Variants in PCDHGA10 observed in about 807,000 individuals in gnomAD.
The protein encoded by PCDHGA10 is protocadherin gamma-A10.
In PCDHGA10, 42 loss-of-function variants were observed where a neutral mutation model predicts 59.5. That is an observed-to-expected ratio of 0.71 (90% CI 0.55 to 0.91). The LOEUF (loss-of-function observed/expected upper bound fraction) is 0.91, where lower values mean the gene tolerates loss of function less well. Among genes scored for constraint, PCDHGA10 ranks in the 40% least tolerant of loss-of-function variants. The pLI, the probability that PCDHGA10 is intolerant of heterozygous loss-of-function variation, is 0.00. For missense variants in PCDHGA10, 1,111 were observed against 1,198.2 expected (o/e 0.93, Z 1.07); for synonymous variants, 511 against 517.2 (o/e 0.99, Z 0.16).
chr5:141,450,908 G>A (rs1248622378), intron 1 of PCDHGA10, among the ~76,000 whole-genome samples: 12 of 147,640 alleles, frequency 8.1e-5, no homozygotes, highest in East Asian at 6.0e-4. Flanking sequence ...CACTGCAACC[G>A]CTGCCTCCCA....
intron 1 of PCDHGA10, among the ~76,000 whole-genome samples, chr5:141,472,147 G>T (rs2099272889): frequency 6.6e-6 from 1 of 152,112 alleles, no homozygotes; most frequent in South Asian, 2.1e-4. Flanking sequence ...AAAGTTTCAT[G>T]GTTACATAGC....
rs3805699 is a variant in PCDHGA10 at position 141,435,743 on chromosome 5, G to A, written c.2436+20132G>A. Among the ~76,000 whole-genome samples the A allele has an allele frequency of 9.2e-5, 14 of 152,198 alleles. No homozygotes were observed. The East Asian group carries it at 2.1e-3, about 23-fold the overall frequency. ...GCTAAAGTGTATTACTCTTTGAAAA[G>A]CATTGCTTGATTTCTTTTGGTGAAT... is the stretch of plus-strand genomic sequence containing the variant. On this transcript the variant is annotated intron_variant, in intron 1 of 3. Coordinates refer to ENST00000398610, the MANE Select transcript of PCDHGA10 (RefSeq NM_018913.3).
At chr5:141,461,924 A>C (rs930104571) in intron 1 of PCDHGA10, among the ~76,000 whole-genome samples, 1 of 152,100 alleles carries the variant, frequency 6.6e-6, no homozygotes, top group East Asian at 1.9e-4. Context: ...CCTGGGTTCC[A>C]GCAATTCTCC....
intron 1 of PCDHGA10, among the ~76,000 whole-genome samples, chr5:141,454,239 A>T (rs1221886368): frequency 6.6e-6 from 1 of 152,200 alleles, no homozygotes; most frequent in Non-Finnish European, 1.5e-5. Context: ...GATGAAAAGG[A>T]TGAAGATGTC....
Position 141,489,897 on chromosome 5 carries a change from C to G in PCDHGA10, c.2437-4910C>G. ...TGCTTACTGCTGTGGATGGGGGGAC[C>G]CCAGCCCGCTCAGGGACCACCCTTA... is the stretch of plus-strand genomic sequence containing the variant. On this transcript the variant is annotated intron_variant, in intron 1 of 3. Transcript: ENST00000398610. This position sits in a 1 kb window ranked among gnomAD's most constrained non-coding sequence, Gnocchi z 4.5. 1 of 1,614,162 alleles carries G rather than the reference C, an allele frequency of 6.2e-7. No individual in the cohort carries two copies. Among genetic ancestry groups the G allele is most frequent in the Non-Finnish European group, 8.5e-7 (1 of 1,180,016 alleles).
Position 141,476,682 on chromosome 5 carries a change from A to G in PCDHGA10, c.2437-18125A>G, listed in dbSNP as rs987205396. The G allele has an allele frequency of 6.2e-7, 1 of 1,614,072 alleles. No individual in the cohort carries two copies. Among genetic ancestry groups the G allele is most frequent in the African/African-American group, 1.3e-5 (1 of 74,934 alleles). ...GCGCTTCGCGTGCAGACGCGGGAGG[A>G]CAGCACCAAGTACGCGGAGCTGGTG... On this transcript the variant is annotated intron_variant, in intron 1 of 3. Coordinates refer to ENST00000398610, the MANE Select transcript of PCDHGA10 (RefSeq NM_018913.3). The surrounding 1 kb of genome is among the most constrained non-coding windows in gnomAD (Gnocchi z 7.6).
chr5:141,418,151 G>T, intron 1 of PCDHGA10: 1 of 1,614,108 alleles, frequency 6.2e-7, no homozygotes, highest in Non-Finnish European at 8.5e-7. Flanking sequence ...AATATGCAAA[G>T]AGAGAAGAAG....
At chr5:141,480,873 C>T (rs1026513782) in intron 1 of PCDHGA10, among the ~76,000 whole-genome samples, 5 of 152,050 alleles carry the variant, frequency 3.3e-5, no homozygotes, top group Non-Finnish European at 7.4e-5. Context: ...GGTGAAACCC[C>T]GTCTCTACTA....
rs558074504 is a variant in PCDHGA10 at position 141,489,065 on chromosome 5, C to A, written c.2437-5742C>A. ...CCACTCAAATTCAGCTCCCCTCCCCCCTGCCCACCCCCGCCACTCGGTGAC... is the reference window on the plus strand; with the variant it reads ...CCACTCAAATTCAGCTCCCCTCCCCACTGCCCACCCCCGCCACTCGGTGAC... On this transcript the variant is annotated intron_variant, in intron 1 of 3. Transcript: ENST00000398610. The surrounding 1 kb of genome is among the most constrained non-coding windows in gnomAD (Gnocchi z 4.5). 1,377 of 389,040 alleles carry A rather than the reference C, an allele frequency of 3.5e-3. 31 individuals carry two copies. Among genetic ancestry groups the A allele is most frequent in the Admixed American group, 9.8e-3 (226 of 22,946 alleles). 24.1% of individuals were successfully genotyped at this position (389,040 alleles called of 1,614,324 possible).
chr5:141,466,278 T>G (rs1459665755), intron 1 of PCDHGA10, among the ~76,000 whole-genome samples: 1 of 152,128 alleles, frequency 6.6e-6, no homozygotes, highest in Non-Finnish European at 1.5e-5. Context: ...TCAAGCAATC[T>G]TCCCACCTCA....
At chr5:141,423,463 G>T (rs772779471) in intron 1 of PCDHGA10, 22 of 1,613,992 alleles carry the variant, frequency 1.4e-5, no homozygotes, top group Non-Finnish European at 1.8e-5. Context: ...AGGCGTGGAC[G>T]GGGTACAGGC....
chr5:141,422,996 C>T (rs1473025630), intron 1 of PCDHGA10: 1 of 1,614,224 alleles, frequency 6.2e-7, no homozygotes, highest in South Asian at 1.1e-5. Context: ...TACCTGGTGA[C>T]CAAGGTGGTT....
chr5:141,423,288 C>T, intron 1 of PCDHGA10: 1 of 1,586,414 alleles, frequency 6.3e-7, no homozygotes, highest in African/African-American at 1.3e-5. Context: ...ACTCTGAAAC[C>T]TCAGACCTCT....
chr5:141,428,156 C>G, intron 1 of PCDHGA10: 2 of 1,579,884 alleles, frequency 1.3e-6, no homozygotes, highest in Non-Finnish European at 1.7e-6. Flanking sequence ...CGGGAACCTG[C>G]TGGTTGCTGT....
intron 1 of PCDHGA10, chr5:141,442,134 AG>A (rs1365375748): frequency 6.1e-6 from 1 of 163,744 alleles, no homozygotes; most frequent in African/African-American, 2.4e-5. Context: ...AGCCTGCAGG[AG>A]ACTCTGCCAG....
intron 1 of PCDHGA10, chr5:141,478,026 C>G: frequency 6.2e-7 from 1 of 1,614,180 alleles, no homozygotes; most frequent in Non-Finnish European, 8.5e-7. Flanking sequence ...GTCCAAGACA[C>G]AGATTCACCC....
intron 1 of PCDHGA10, chr5:141,441,752 C>A (rs1043293959): frequency 5.3e-6 from 2 of 377,970 alleles, no homozygotes; most frequent in Non-Finnish European, 5.3e-6. Flanking sequence ...TCGGCGTCAA[C>A]GTGAGCCTGC....
rs759439765 is a variant in PCDHGA10 at position 141,478,199 on chromosome 5, C to A, written c.2437-16608C>A. ...GAAAAAAAATCTCACCTTTTATCTA[C>A]TTCTTTCTCTAATCCTGGTTTCTGT... On this transcript the variant is annotated intron_variant, in intron 1 of 3. Coordinates refer to ENST00000398610, the MANE Select transcript of PCDHGA10 (RefSeq NM_018913.3). The A allele has an allele frequency of 3.8e-5, 62 of 1,613,938 alleles. No homozygotes were observed. Among genetic ancestry groups the A allele is most frequent in the Non-Finnish European group, 5.0e-5 (59 of 1,180,046 alleles).
intron 1 of PCDHGA10, chr5:141,423,126 G>T (rs1397550571): frequency 6.2e-7 from 1 of 1,613,622 alleles, no homozygotes; most frequent in Non-Finnish European, 8.5e-7. Context: ...CGCGGGCACT[G>T]CTGGACAGAG....
Sources: allele counts gnomAD v4.1 joint callset (sites outside exome capture counted in the v4.1 genomes callset), GRCh38; gene constraint gnomAD v4.1.1; non-coding constraint Gnocchi (gnomAD v3.1); transcripts MANE v1.5; gene names NCBI Gene and HGNC (gene_info 2026-07-23, HGNC 2026-07-21).